Variants in DNAH14 observed in about 807,000 individuals in gnomAD.
The protein encoded by DNAH14 is dynein axonemal heavy chain 14, also known as axonemal beta dynein heavy chain 14.
A neutral mutation model predicts 520.9 loss-of-function variants in DNAH14; 478 were observed. That is an observed-to-expected ratio of 0.92 (90% CI 0.85 to 0.99). The LOEUF (loss-of-function observed/expected upper bound fraction) is 0.99, where lower values mean the gene tolerates loss of function less well. Ranked by LOEUF, DNAH14 falls within the 50% of genes least tolerant of loss-of-function variation. The pLI is 0.00. For synonymous variants in DNAH14, 1,581 were observed against 1,757.2 expected, an observed-to-expected ratio of 0.90 and a Z score of 2.51; for missense variants, 4,831 against 5,234.5, an observed-to-expected ratio of 0.92 and a Z score of 2.38.
chr1:225,129,020 A>C lies in DNAH14; in HGVS notation c.4254+5406A>C, dbSNP rs879702780. On this transcript the variant is annotated intron_variant, in intron 27 of 85. Coordinates refer to ENST00000682510, the MANE Select transcript of DNAH14 (RefSeq NM_001367479.1). Reference sequence around the variant, plus strand: ...AAATCACAAGCATTCTTATACACCAATAACAGACAAACAGAGAGCCAAATC... The same window carrying C: ...AAATCACAAGCATTCTTATACACCACTAACAGACAAACAGAGAGCCAAATC... Among the ~76,000 whole-genome samples the C allele has an allele frequency of 2.1e-3, 318 of 152,234 alleles. 1 individual carries two copies. Among genetic ancestry groups the C allele is most frequent in the Non-Finnish European group, 3.8e-3 (258 of 68,014 alleles).
rs929542550 is a variant in DNAH14, at chr1:225,303,353, T to C, written c.8823+6T>C. 6.5e-7 allele frequency: 1 copy of C among 1,543,160 alleles called. No homozygotes were observed. Among genetic ancestry groups the C allele is most frequent in the African/African-American group, 1.4e-5 (1 of 72,474 alleles). ...TCAATTTTGAGAACAGAGAGGTAAA[T>C]ATCTAATGCAAGTGAAGGTTTCAGT... On this transcript the variant is annotated splice_donor_region_variant and intron_variant, in intron 57 of 85. Transcript: ENST00000682510.
rs1050017471 is a variant in DNAH14 at position 225,168,069 on chromosome 1, T to C, written c.5535+41T>C. 7.9e-6 allele frequency: 9 copies of C among 1,141,426 alleles called. No homozygotes were observed. The Admixed American group carries it at 2.0e-4, about 25-fold the overall frequency. 70.7% of individuals were successfully genotyped at this position (1,141,426 alleles called of 1,614,324 possible). On this transcript the variant is annotated intron_variant, in intron 36 of 85. Transcript: ENST00000682510. ...CATGTTAGCAATCCTTTGCCTGTATTTCAATAGGAATTAATAAAATAAAGG... is the reference window on the plus strand; with the variant it reads ...CATGTTAGCAATCCTTTGCCTGTATCTCAATAGGAATTAATAAAATAAAGG...
At position 225,087,046 on chromosome 1, in the gene DNAH14, T is replaced by G. The variant is rs184051991; in HGVS notation, c.3573+1257T>G. Reference sequence around the variant, plus strand: ...CACACACACACACACAGCCTTCTACTTCTAAGCAAGATGGAGTTTGGGGAC... The same window carrying G: ...CACACACACACACACAGCCTTCTACGTCTAAGCAAGATGGAGTTTGGGGAC... On this transcript the variant is annotated intron_variant, in intron 21 of 85. Coordinates refer to ENST00000682510, the MANE Select transcript of DNAH14 (RefSeq NM_001367479.1). 2.7e-5 allele frequency among the ~76,000 whole-genome samples: 4 copies of G among 147,988 alleles called. No homozygotes were observed. The East Asian group carries it at 8.1e-4, about 30-fold the overall frequency.
Position 224,964,615 on chromosome 1 carries a change from G to C in DNAH14, c.498+6G>C, listed in dbSNP as rs1001090172. 1 of 1,542,440 alleles carries C rather than the reference G, an allele frequency of 6.5e-7. No individual in the cohort carries two copies. The highest frequency in any genetic ancestry group is 1.4e-5 in the African/African-American group (1 of 72,688). ...TTCAGAAGATTACTTTAAAGGTATT[G>C]TTCTATTTTATTTAATTTTGATCTT... On this transcript the variant is annotated splice_donor_region_variant and intron_variant, in intron 5 of 85. Coordinates refer to ENST00000682510, the MANE Select transcript of DNAH14 (RefSeq NM_001367479.1).
intron 81 of DNAH14, among the ~76,000 whole-genome samples, chr1:225,383,505 T>G (rs2095803662): frequency 2.0e-5 from 3 of 152,114 alleles, no homozygotes; most frequent in Admixed American, 6.5e-5. Flanking sequence ...CAATGATGAG[T>G]TGGTACACTG....
At chr1:225,276,975 AAGGAAGGAAGGG>A (rs756947979) in intron 53 of DNAH14, among the ~76,000 whole-genome samples, 3,715 of 61,356 alleles carry the variant, frequency 0.061, 153 homozygotes, top group Non-Finnish European at 0.081. Flanking sequence ...GGAAGGAAGG[AAGGAAGGAAGGG>A]AGGGAGGAAG....
chr1:224,942,434 A>G (rs1163549266), intron 1 of DNAH14, among the ~76,000 whole-genome samples: 4 of 152,184 alleles, frequency 2.6e-5, no homozygotes, highest in Admixed American at 1.3e-4. Flanking sequence ...TAGACATACA[A>G]TTGTGTCATC....
At position 225,322,761 on chromosome 1, in the gene DNAH14, C is replaced by G; in HGVS notation, c.9433C>G (p.Leu3145Val). ...KPNWATAKLL[L>V]SETGFLKKLI... Reference sequence around the variant, plus strand: ...TAACTGGGCAACGGCAAAGTTACTTCTTTCAGAAACTGGTTTCCTGAAAAA... The same window carrying G: ...TAACTGGGCAACGGCAAAGTTACTTGTTTCAGAAACTGGTTTCCTGAAAAA... The change falls in exon 62 of 86, where the codon CTT (leucine) becomes GTT (valine). Residue 3145 changes from leucine to valine, a missense_variant. Transcript: ENST00000682510. 1 of 1,551,756 alleles carries G rather than the reference C, an allele frequency of 6.4e-7. No individual in the cohort carries two copies. Among genetic ancestry groups the G allele is most frequent in the East Asian group, 2.4e-5 (1 of 40,898 alleles).
chr1:225,306,479 G>GAT (rs1222742026), intron 58 of DNAH14, among the ~76,000 whole-genome samples: 2 of 152,134 alleles, frequency 1.3e-5, no homozygotes, highest in Admixed American at 1.3e-4. Context: ...AAATTGGCCA[G>GAT]ATGCCCTACA....
At chr1:225,196,945 A>C (rs2086217354) in intron 38 of DNAH14, among the ~76,000 whole-genome samples, 1 of 152,118 alleles carries the variant, frequency 6.6e-6, no homozygotes, top group Non-Finnish European at 1.5e-5. Flanking sequence ...TCTGGATATT[A>C]GTCCTTCATC....
intron 71 of DNAH14, among the ~76,000 whole-genome samples, chr1:225,349,795 G>A (rs759181088): frequency 1.1e-4 from 16 of 152,164 alleles, no homozygotes; most frequent in South Asian, 2.1e-4. Flanking sequence ...TCCCAAATAC[G>A]TGAAGCAAAC....
chr1:225,335,299 A>ACATTGTGTGTATATGCACATATACACG (rs1558426213), intron 66 of DNAH14, among the ~76,000 whole-genome samples: 2 of 111,564 alleles, frequency 1.8e-5, no homozygotes, highest in Non-Finnish European at 2.0e-5. Flanking sequence ...ACATATACAC[A>ACATTGTGTGTATATGCACATATACACG]TGTGTACACG....
At chr1:225,043,663 G>A (rs2067683439) in intron 13 of DNAH14, 81 bp from the exon 14 acceptor site, 1 of 1,017,984 alleles carries the variant, frequency 9.8e-7, no homozygotes, top group South Asian at 1.5e-5. Flanking sequence ...GTAAAGCACT[G>A]GCATATATTA....
At chr1:225,101,695 C>T (rs978065979) in intron 23 of DNAH14, among the ~76,000 whole-genome samples, 8 of 152,122 alleles carry the variant, frequency 5.3e-5, no homozygotes, top group African/African-American at 1.9e-4. Flanking sequence ...AGATCTCATT[C>T]TCTTTTATGG....
chr1:225,290,033 T>C lies in DNAH14; in HGVS notation c.8420T>C (p.Leu2807Ser), dbSNP rs1348229230. Residue 2807 changes from leucine (L) to serine (S), a missense_variant, in exon 55 of 86, where the codon TTA becomes TCA. Physicochemically the swap from Leu to Ser is moderately radical, Grantham distance 145. Transcript: ENST00000682510. The stretch of plus-strand genomic sequence containing the variant: ...AAAAAGGTGTTTATTCACGCAGGAT[T>C]AAAAGGGAAACCCACTGTTCTGATG... ...VFKKVFIHAG[L>S]KGKPTVLMVP... 6.5e-7 allele frequency: 1 copy of C among 1,527,942 alleles called. No homozygotes were observed. The highest frequency in any genetic ancestry group is 1.4e-5 in the African/African-American group (1 of 72,556). The allele number at this position is 1,527,942 out of a possible 1,614,324, so 94.6% of individuals were successfully genotyped here.
intron 43 of DNAH14, among the ~76,000 whole-genome samples, chr1:225,245,768 G>T (rs890040082): frequency 4.6e-5 from 7 of 152,084 alleles, no homozygotes; most frequent in African/African-American, 1.7e-4. Context: ...TGGATAGGAA[G>T]AATCAATATC....
At chr1:224,972,890 G>A (rs2061586118) in intron 7 of DNAH14, among the ~76,000 whole-genome samples, 1 of 152,176 alleles carries the variant, frequency 6.6e-6, no homozygotes, top group Admixed American at 6.5e-5. Context: ...CAGTACAGGG[G>A]TGATTAGACC....
rs1192991153 is a variant in DNAH14 at position 225,007,408 on chromosome 1, A to C, written c.976-5A>C. The stretch of plus-strand genomic sequence containing the variant: ...AACACTGAACATTTACTATCATCTA[A>C]TTAGCTGGATAGTTCTCGAACATAT... On this transcript the variant is annotated splice_region_variant and splice_polypyrimidine_tract_variant and intron_variant, in intron 9 of 85. Transcript: ENST00000682510. The C allele has an allele frequency of 4.0e-6, 6 of 1,516,524 alleles. No individual in the cohort carries two copies. Among genetic ancestry groups the C allele is most frequent in the Non-Finnish European group, 5.3e-6 (6 of 1,130,328 alleles). The allele number at this position is 1,516,524 out of a possible 1,614,324, so 93.9% of individuals were successfully genotyped here.
At position 224,960,289 on chromosome 1, in the gene DNAH14, C is replaced by T. The variant is rs1330347593; in HGVS notation, c.354C>T (p.Ser118=). 6.2e-7 allele frequency: 1 copy of T among 1,601,476 alleles called. No homozygotes were observed. Residue 118 remains serine (S), a synonymous_variant, in exon 4 of 86, where the codon TCC becomes TCT. Transcript: ENST00000682510. ...ATGTTAGGAAAGCCAGGCCTGTGTC[C>T]TATGATAGAACAGGTATGTGGTATC... is the stretch of plus-strand genomic sequence containing the variant. The part of the protein sequence containing the change: ...CPNVRKARPV[S]YDRTEPKDDD...
Sources: gnomAD v4.1 joint callset for allele counts (sites outside exome capture counted in the v4.1 genomes callset) on GRCh38, gnomAD v4.1.1 for gene constraint, MANE v1.5 for transcripts, NCBI Gene and HGNC (gene_info 2026-07-23, HGNC 2026-07-21) for gene names.